SCN3A: variants seen among roughly 807,000 people sequenced by gnomAD.
The protein encoded by SCN3A is sodium channel protein type 3 subunit alpha.
A neutral mutation model predicts 187.6 loss-of-function variants in SCN3A; 60 were observed. That is an observed-to-expected ratio of 0.32 (90% CI 0.26 to 0.40). The LOEUF (loss-of-function observed/expected upper bound fraction) is 0.40, where lower values mean the gene tolerates loss of function less well. SCN3A is among the 10% of genes least tolerant of loss of function. The pLI is 1.00. For synonymous variants in SCN3A, 788 were observed against 829.2 expected, an observed-to-expected ratio of 0.95 and a Z score of 0.85; for missense variants, 1,601 against 2,428.2, an observed-to-expected ratio of 0.66 and a Z score of 7.16.
intron 2 of SCN3A, among the ~76,000 whole-genome samples, chr2:165,182,781 C>G (rs1454518864): frequency 6.6e-6 from 1 of 152,016 alleles, no homozygotes; most frequent in African/African-American, 2.4e-5. Context: ...ATCTGAGACT[C>G]AGAAAGCTGT....
At chr2:165,098,325 A>G (rs1224230680) in intron 22 of SCN3A, among the ~76,000 whole-genome samples, 1 of 152,238 alleles carries the variant, frequency 6.6e-6, no homozygotes, top group Non-Finnish European at 1.5e-5. Flanking sequence ...ATATTGGACC[A>G]TTCTGTTAAT....
At chr2:165,186,341 A>G (rs914147362) in intron 2 of SCN3A, among the ~76,000 whole-genome samples, 1 of 152,074 alleles carries the variant, frequency 6.6e-6, no homozygotes, top group African/African-American at 2.4e-5. Context: ...TCTTACATCA[A>G]CAGCCTTTGG....
In SCN3A at chr2:165,140,774, G is replaced by C; in HGVS notation, c.1896C>G (p.Ser632=). 3 of 1,614,094 alleles carry C rather than the reference G, an allele frequency of 1.9e-6. No individual in the cohort carries two copies. The highest frequency in any genetic ancestry group is 2.2e-5 in the East Asian group (1 of 44,862). ...TTGCTGGAAGCCCTGGCACCATCCT[G>C]GATGACATACTGGCCTGACTAACGT... The part of the protein sequence containing the change: ...NSNVSQASMS[S]RMVPGLPANG... The change falls in exon 13 of 28, where the codon TCC becomes TCG. Residue 632 remains serine, a synonymous_variant. Coordinates refer to ENST00000283254, the MANE Select transcript of SCN3A (RefSeq NM_006922.4). The surrounding 1 kb of genome is among the most constrained non-coding windows in gnomAD (Gnocchi z 4.2).
rs556424791 is a variant in SCN3A at position 165,092,643 on chromosome 2, C to T, written c.4537-119G>A. ...TGGATGTGCACCCTCCTCATATTAC[C>T]CCAAACAATTTTGTGTGCTTTTTTT... On this transcript the variant is annotated intron_variant, in intron 26 of 27. Coordinates refer to ENST00000283254, the MANE Select transcript of SCN3A (RefSeq NM_006922.4). The surrounding 1 kb of genome is among the most constrained non-coding windows in gnomAD (Gnocchi z 4.2). 8.6e-5 allele frequency: 78 copies of T among 905,356 alleles called. No homozygotes were observed. In the South Asian group the frequency reaches 1.3e-3, roughly 15 times the overall value. The allele number at this position is 905,356 out of a possible 1,614,324, so 56.1% of individuals were successfully genotyped here.
chr2:165,180,231 A>G (rs1342765121), intron 2 of SCN3A, among the ~76,000 whole-genome samples: 1 of 152,188 alleles, frequency 6.6e-6, no homozygotes, highest in Non-Finnish European at 1.5e-5. Flanking sequence ...GAAATCATTT[A>G]TTTGGAAAAT....
chr2:165,185,908 A>G (rs1041568518), intron 2 of SCN3A, among the ~76,000 whole-genome samples: 1 of 152,172 alleles, frequency 6.6e-6, no homozygotes, highest in African/African-American at 2.4e-5. Flanking sequence ...AATAAAATTT[A>G]AAGTAAATAC....
chr2:165,148,291 A>G (rs1208246558), intron 11 of SCN3A, among the ~76,000 whole-genome samples: 2 of 152,092 alleles, frequency 1.3e-5, no homozygotes, highest in African/African-American at 2.4e-5. Flanking sequence ...TTAACTTGCT[A>G]CAGATAGCAA....
chr2:165,203,768 A>T (rs2106008842), intron 1 of SCN3A, 55 bp downstream of exon 1: 1 of 152,118 alleles, frequency 6.6e-6, no homozygotes, highest in Middle Eastern at 3.4e-3. Context: ...AGTAAGGAAA[A>T]TGACCTGGTA....
intron 21 of SCN3A, among the ~76,000 whole-genome samples, chr2:165,101,979 T>C (rs1319500344): frequency 6.6e-6 from 1 of 152,234 alleles, no homozygotes; most frequent in Admixed American, 6.5e-5. Flanking sequence ...ATTTCTGTCT[T>C]AGGTTTGCTG....
intron 7 of SCN3A, 84 bp from the exon 8 acceptor site, chr2:165,162,912 C>G: frequency 6.6e-7 from 1 of 1,520,388 alleles, no homozygotes; most frequent in Non-Finnish European, 9.1e-7. Flanking sequence ...CTCTTTCCCC[C>G]ATAAATGATT....
intron 11 of SCN3A, among the ~76,000 whole-genome samples, chr2:165,153,364 A>G (rs1415219436): frequency 6.6e-6 from 1 of 152,188 alleles, no homozygotes; most frequent in African/African-American, 2.4e-5. Flanking sequence ...GAAAATACTC[A>G]TGGTGTTGAC....
At chr2:165,122,410 A>G (rs1686735298) in intron 18 of SCN3A, among the ~76,000 whole-genome samples, 1 of 151,928 alleles carries the variant, frequency 6.6e-6, no homozygotes. Flanking sequence ...TGGTAATACA[A>G]TTTACTTATA....
At chr2:165,161,144 T>C (rs1158163094) in intron 9 of SCN3A, among the ~76,000 whole-genome samples, 4 of 143,878 alleles carry the variant, frequency 2.8e-5, no homozygotes, top group African/African-American at 5.1e-5. Flanking sequence ...TTTCTTTTTT[T>C]TTTTTTTTTT....
intron 2 of SCN3A, among the ~76,000 whole-genome samples, chr2:165,180,650 T>G (rs1250674449): frequency 2.0e-5 from 3 of 151,952 alleles, no homozygotes; most frequent in South Asian, 2.1e-4. Context: ...GACAAGCAAT[T>G]CATTATGGGT....
At chr2:165,104,106 TCTTAA>T (rs1367227131) in intron 21 of SCN3A, among the ~76,000 whole-genome samples, 1 of 152,046 alleles carries the variant, frequency 6.6e-6, no homozygotes, top group Non-Finnish European at 1.5e-5. Flanking sequence ...ACATTTTTCA[TCTTAA>T]CTTTTAAAAA....
chr2:165,126,232 C>T (rs1686980982), intron 18 of SCN3A, among the ~76,000 whole-genome samples: 3 of 152,300 alleles, frequency 2.0e-5, no homozygotes, highest in Admixed American at 6.5e-5. Context: ...ACTTTGTACT[C>T]ATATGTATTA....
At chr2:165,182,613 T>C (rs1014912766) in intron 2 of SCN3A, among the ~76,000 whole-genome samples, 2 of 152,104 alleles carry the variant, frequency 1.3e-5, no homozygotes, top group East Asian at 3.9e-4. Context: ...ATTAAAGTTA[T>C]AGGGTTAAGC....
chr2:165,145,467 AT>A (rs1250155112), intron 12 of SCN3A, among the ~76,000 whole-genome samples: 1 of 152,088 alleles, frequency 6.6e-6, no homozygotes, highest in African/African-American at 2.4e-5. Context: ...CTGCAGAAAA[AT>A]GGCTTTATCT....
At chr2:165,166,760 G>A (rs1181322897) in intron 5 of SCN3A, among the ~76,000 whole-genome samples, 1 of 152,096 alleles carries the variant, frequency 6.6e-6, no homozygotes, top group East Asian at 1.9e-4. Context: ...GAAGACAATT[G>A]ATCAGAAAAC....
Sources: gnomAD v4.1 joint callset for allele counts (sites outside exome capture counted in the v4.1 genomes callset) on GRCh38, gnomAD v4.1.1 for gene constraint, Gnocchi (gnomAD v3.1) non-coding constraint, MANE v1.5 for transcripts, NCBI Gene and HGNC (gene_info 2026-07-23, HGNC 2026-07-21) for gene names.